TACR1: variants seen among roughly 807,000 people sequenced by gnomAD.
The protein encoded by TACR1 is tachykinin receptor 1.
A neutral mutation model predicts 35.8 loss-of-function variants in TACR1; 25 were observed. The observed-to-expected ratio is 0.70, with a 90% CI of 0.51 to 0.98. TACR1 has a LOEUF of 0.98. TACR1 is among the 50% of genes least tolerant of loss of function. TACR1 has a pLI of 0.00. For synonymous variants in TACR1, 195 were observed against 206.7 expected (o/e 0.94, Z 0.48); for missense variants, 478 against 522.9 (o/e 0.91, Z 0.84).
At chr2:75,109,971 A>G (rs1175247520) in intron 2 of TACR1, among the ~76,000 whole-genome samples, 1 of 152,208 alleles carries the variant, frequency 6.6e-6, no homozygotes, top group Non-Finnish European at 1.5e-5. Flanking sequence ...ATTTCCCTGA[A>G]CTAGAGATCT....
chr2:75,168,293 C>G (rs1675193034), intron 1 of TACR1, among the ~76,000 whole-genome samples: 1 of 152,200 alleles, frequency 6.6e-6, no homozygotes, highest in Admixed American at 6.5e-5. Flanking sequence ...GATTATGTTA[C>G]CTGACATGGC....
chr2:75,198,635 G>A lies in TACR1; in HGVS notation c.300C>T (p.Tyr100=), dbSNP rs764449198. Residue 100 remains tyrosine (Y), a synonymous_variant, in exon 1 of 5, where the codon TAC becomes TAT. Transcript: ENST00000305249. Reference sequence around the variant, plus strand: ...TGTGGAACTTGCAGTAGAACAGGCCGTAGTACCATTCGTTGTGGACAGCAT... The same window carrying A: ...TGTGGAACTTGCAGTAGAACAGGCCATAGTACCATTCGTTGTGGACAGCAT... The part of the protein sequence containing the change: ...FTYAVHNEWY[Y]GLFYCKFHNF... 5 of 1,614,192 alleles carry A rather than the reference G, an allele frequency of 3.1e-6. No individual in the cohort carries two copies. The South Asian group carries it at 3.3e-5, about 11-fold the overall frequency.
At chr2:75,087,610 C>T (rs1159025712) in intron 2 of TACR1, among the ~76,000 whole-genome samples, 1 of 152,190 alleles carries the variant, frequency 6.6e-6, no homozygotes, top group Non-Finnish European at 1.5e-5. Flanking sequence ...TGATTAAACG[C>T]CGTGTTGTGC....
chr2:75,052,849 A>T (rs969355352), intron 3 of TACR1, among the ~76,000 whole-genome samples: 4 of 151,936 alleles, frequency 2.6e-5, no homozygotes, highest in Admixed American at 6.6e-5. Flanking sequence ...TAAGAATTAA[A>T]TTTTTTTAAA....
At chr2:75,135,966 T>C (rs983106883) in intron 1 of TACR1, among the ~76,000 whole-genome samples, 3 of 152,138 alleles carry the variant, frequency 2.0e-5, no homozygotes, top group African/African-American at 7.2e-5. Context: ...CTTCTAAGAA[T>C]GGTTGTTAGA....
intron 1 of TACR1, among the ~76,000 whole-genome samples, chr2:75,127,509 A>G (rs1278494527): frequency 3.9e-5 from 6 of 152,192 alleles, no homozygotes; most frequent in African/African-American, 1.4e-4. Context: ...GACCCACTTC[A>G]AAAGGTGCCA....
chr2:75,151,978 G>A (rs899256540), intron 1 of TACR1, among the ~76,000 whole-genome samples: 1 of 152,128 alleles, frequency 6.6e-6, no homozygotes, highest in Non-Finnish European at 1.5e-5. Context: ...ACTTGCATGA[G>A]CCCTGTATTG....
At chr2:75,075,689 ATG>A (rs10566493) in intron 2 of TACR1, among the ~76,000 whole-genome samples, 6,030 of 152,316 alleles carry the variant, frequency 0.04, 384 homozygotes, top group African/African-American at 0.13. Flanking sequence ...GATGATAAGA[ATG>A]TGTTTAAACA....
At chr2:75,063,046 A>G (rs573506761) in intron 2 of TACR1, among the ~76,000 whole-genome samples, 1 of 152,272 alleles carries the variant, frequency 6.6e-6, no homozygotes, top group South Asian at 2.1e-4. Flanking sequence ...CAGACAGGAG[A>G]AAAACTTGTG....
intron 2 of TACR1, among the ~76,000 whole-genome samples, chr2:75,116,061 C>G (rs987130017): frequency 2.0e-5 from 3 of 152,036 alleles, no homozygotes; most frequent in Non-Finnish European, 4.4e-5. Context: ...TTTGTGTTGA[C>G]TTGTACTTAT....
rs189728452 is a variant in TACR1 at position 75,169,307 on chromosome 2, T to A, written c.389+29239A>T. ...AATTTTGATTCATTTATTCACTAGT[T>A]ATAGTATGTCTTTGTATTGGTTTAG... On this transcript the variant is annotated intron_variant, in intron 1 of 4. Transcript: ENST00000305249. Among the ~76,000 whole-genome samples the A allele has an allele frequency of 9.8e-4, 150 of 152,324 alleles. 1 individual carries two copies. The highest frequency in any genetic ancestry group is 3.6e-3 in the African/African-American group (149 of 41,594).
chr2:75,152,097 G>A (rs1674687496), intron 1 of TACR1, among the ~76,000 whole-genome samples: 1 of 152,218 alleles, frequency 6.6e-6, no homozygotes, highest in South Asian at 2.1e-4. Flanking sequence ...ATCATAGGTG[G>A]AAGGGACTTG....
At chr2:75,099,259 C>T (rs180926984) in intron 2 of TACR1, among the ~76,000 whole-genome samples, 1 of 152,254 alleles carries the variant, frequency 6.6e-6, no homozygotes. Flanking sequence ...CTCCAGTGAG[C>T]TCCTTCTCTC....
chr2:75,076,300 G>T (rs908175626), intron 2 of TACR1, among the ~76,000 whole-genome samples: 2 of 152,200 alleles, frequency 1.3e-5, no homozygotes, highest in Non-Finnish European at 2.9e-5. Flanking sequence ...TGTCCCAGGA[G>T]AATCCATCAC....
chr2:75,111,606 A>C (rs546164639), intron 2 of TACR1, among the ~76,000 whole-genome samples: 2 of 152,162 alleles, frequency 1.3e-5, no homozygotes, highest in East Asian at 3.9e-4. Flanking sequence ...TGGTTTCTCC[A>C]TATAAAGAAT....
At chr2:75,126,166 T>C (rs185709472) in intron 1 of TACR1, among the ~76,000 whole-genome samples, 4 of 152,294 alleles carry the variant, frequency 2.6e-5, no homozygotes, top group Admixed American at 2.6e-4. Flanking sequence ...AGTGGGAACA[T>C]GTGGTATTTG....
At chr2:75,138,166 C>T (rs1674335596) in intron 1 of TACR1, among the ~76,000 whole-genome samples, 1 of 152,156 alleles carries the variant, frequency 6.6e-6, no homozygotes, top group South Asian at 2.1e-4. Flanking sequence ...ATCAGTTCTG[C>T]CTGATTCAAA....
At chr2:75,073,177 A>G (rs1181431912) in intron 2 of TACR1, among the ~76,000 whole-genome samples, 4 of 152,244 alleles carry the variant, frequency 2.6e-5, no homozygotes, top group Non-Finnish European at 1.5e-5. Flanking sequence ...GCTACAGCAC[A>G]GCTGACTTCA....
intron 2 of TACR1, among the ~76,000 whole-genome samples, chr2:75,075,964 A>T (rs1399417527): frequency 6.6e-6 from 1 of 152,260 alleles, no homozygotes. Context: ...CAGTGTGTAT[A>T]AAGCAAATCC....
Sources: gnomAD v4.1 joint callset for allele counts (sites outside exome capture counted in the v4.1 genomes callset) on GRCh38, gnomAD v4.1.1 for gene constraint, MANE v1.5 for transcripts, NCBI Gene and HGNC (gene_info 2026-07-23, HGNC 2026-07-21) for gene names.